Variants in ALDOB observed in about 807,000 individuals in gnomAD.
The protein encoded by ALDOB is fructose-bisphosphate aldolase B.
A neutral mutation model predicts 41.0 loss-of-function variants in ALDOB; 39 were observed. The observed-to-expected ratio is 0.95, with a 90% confidence interval of 0.74 to 1.24. The LOEUF is 1.24. ALDOB is among the 50% of genes most tolerant of loss of function. ALDOB has a pLI of 0.00. For missense variants in ALDOB, 530 were observed against 457.3 expected (o/e 1.16, Z -1.45); for synonymous variants, 175 against 168.8 (o/e 1.04, Z -0.28).
At chr9:101,423,649 CCCT>C (rs1416207317) in intron 8 of ALDOB, among the ~76,000 whole-genome samples, 1 of 152,142 alleles carries the variant, frequency 6.6e-6, no homozygotes, top group East Asian at 1.9e-4. Context: ...TCTGCCTCTT[CCCT>C]CCTTTTTGTC....
Position 101,429,755 on chromosome 9 carries a change from C to G in ALDOB, c.324G>C (p.Lys108Asn). 6 of 1,614,048 alleles carry G rather than the reference C, an allele frequency of 3.7e-6. No individual in the cohort carries two copies. The highest frequency in any genetic ancestry group is 5.1e-6 in the Non-Finnish European group (6 of 1,179,982). The part of the protein sequence containing the change: ...LKEKGIVVGI[K>N]LDQGGAPLAG... ...GTGAGGTGTGAATGGAGGTGTTCAC[C>G]TTGATTCCCACCACGATCCCCTTTT... The change falls in exon 3 of 9, where the codon AAG becomes AAC. Residue 108 changes from lysine (K) to asparagine (N), a missense_variant and splice_region_variant. By Grantham distance (94) the Lys-to-Asn change is moderately conservative. Transcript: ENST00000647789.
intron 1 of ALDOB, 88 bp from the exon 2 acceptor site, chr9:101,430,985 T>A: frequency 1.1e-6 from 1 of 885,718 alleles, no homozygotes; most frequent in Non-Finnish European, 1.9e-6. Context: ...GCAGACATGC[T>A]GTGCAGACCT....
intron 8 of ALDOB, 138 bp from the exon 9 acceptor site, chr9:101,422,042 G>A (rs2118333702): frequency 6.8e-6 from 5 of 739,384 alleles, no homozygotes; most frequent in South Asian, 5.9e-5. Context: ...GAATATTGCT[G>A]GGGATACCAT....
Position 101,426,636 on chromosome 9 carries a change from A to C in ALDOB, c.543T>G (p.Asn181Lys), listed in dbSNP as rs35885472. Residue 181 changes from asparagine (N) to lysine (K), a missense_variant and splice_region_variant, in exon 6 of 9, where the codon AAT becomes AAG. Physicochemically the swap from Asn to Lys is moderately conservative, Grantham distance 94 (BLOSUM62 0). Coordinates refer to ENST00000647789, the MANE Select transcript of ALDOB (RefSeq NM_000035.4). ...LARYASICQQ[N>K]GLVPIVEPEV... ...CTGGTTCAACAATAGGTACCAGTCCATTCTAAAAAGGAAAATCAAGGAAGC... is the reference window on the plus strand; with the variant it reads ...CTGGTTCAACAATAGGTACCAGTCCCTTCTAAAAAGGAAAATCAAGGAAGC... The C allele has an allele frequency of 4.5e-4, 716 of 1,606,698 alleles. 4 individuals carry two copies. The highest frequency in any genetic ancestry group is 9.7e-5 in the Non-Finnish European group (114 of 1,173,310).
intron 3 of ALDOB, among the ~76,000 whole-genome samples, chr9:101,429,421 A>G (rs188041018): frequency 6.6e-6 from 1 of 152,260 alleles, no homozygotes; most frequent in African/African-American, 2.4e-5. Context: ...TGCCTTCCAA[A>G]GTGCTGGGAT....
At chr9:101,434,040 G>C (rs764102206) in intron 1 of ALDOB, among the ~76,000 whole-genome samples, 3 of 152,048 alleles carry the variant, frequency 2.0e-5, no homozygotes, top group Non-Finnish European at 4.4e-5. Flanking sequence ...GCAAAGTGCT[G>C]GGATTACAGG....
intron 5 of ALDOB, 134 bp from the exon 6 acceptor site, chr9:101,426,772 C>T (rs1831136090): frequency 3.0e-6 from 2 of 669,462 alleles, no homozygotes; most frequent in Non-Finnish European, 5.4e-6. Flanking sequence ...GACTTAAAGA[C>T]AGTAGAATTT....
Position 101,425,471 on chromosome 9 carries a change from C to G in ALDOB, c.781G>C (p.Val261Leu). ...MATVTALHRT[V>L]PAAVPGICFL... ...GCCTTACCAGGAACAGCTGCAGGAACAGTACGGTGGAGAGCTGTTACGGTG... is the reference window on the plus strand; with the variant it reads ...GCCTTACCAGGAACAGCTGCAGGAAGAGTACGGTGGAGAGCTGTTACGGTG... The change falls in exon 7 of 9, where the codon GTT (valine) becomes CTT (leucine). Residue 261 changes from valine to leucine, a missense_variant. Coordinates refer to ENST00000647789, the MANE Select transcript of ALDOB (RefSeq NM_000035.4). 5.0e-6 allele frequency: 8 copies of G among 1,614,212 alleles called. No individual in the cohort carries two copies. The highest frequency in any genetic ancestry group is 5.9e-6 in the Non-Finnish European group (7 of 1,180,046).
chr9:101,424,010 T>C lies in ALDOB; in HGVS notation c.999+833A>G, dbSNP rs76891420. On this transcript the variant is annotated intron_variant, in intron 8 of 8. Transcript: ENST00000647789. ...TGAGTGGGCACCTTTCCTTTCCTCT[T>C]TATTGAAACTGTTTCAGTGAGGGTC... Among the ~76,000 whole-genome samples, 989 of 152,322 alleles carry C rather than the reference T, an allele frequency of 6.5e-3. 6 individuals carry two copies. Among genetic ancestry groups the C allele is most frequent in the African/African-American group, 0.022 (915 of 41,572 alleles).
intron 1 of ALDOB, among the ~76,000 whole-genome samples, chr9:101,434,634 A>G (rs1319330179): frequency 6.6e-6 from 1 of 152,228 alleles, no homozygotes; most frequent in Non-Finnish European, 1.5e-5. Context: ...CCAATGTCCC[A>G]GTGACAAGTG....
At chr9:101,422,021 G>T in intron 8 of ALDOB, 117 bp from the exon 9 acceptor site, 2 of 845,822 alleles carry the variant, frequency 2.4e-6, no homozygotes, top group Non-Finnish European at 4.0e-6. Flanking sequence ...TCTTTTTACA[G>T]CAATGTTGCT....
At chr9:101,425,122 G>C in intron 7 of ALDOB, 80 bp from the exon 8 acceptor site, 1 of 1,455,028 alleles carries the variant, frequency 6.9e-7, no homozygotes. Context: ...GAACCTACCA[G>C]AAAAGTAATG....
At chr9:101,430,934 T>C (rs1229051500) in intron 1 of ALDOB, 37 bp from the exon 2 acceptor site, 1 of 1,461,842 alleles carries the variant, frequency 6.8e-7, no homozygotes, top group South Asian at 1.1e-5. Context: ...CACAGAACCA[T>C]GGGTGGCTCA....
At position 101,430,845 on chromosome 9, in the gene ALDOB, CCTT is replaced by C. The variant is rs1831209143; in HGVS notation, c.40_42del (p.Lys14del). On this transcript the variant is annotated inframe_deletion, in exon 2 of 9. Transcript: ENST00000647789. ...ATGCTCTGGGCAATTTCTGAGAGCTCCTTCTTCTGCTCCTGGGTGAGGGCTGGA... is the reference window on the plus strand; with the variant it reads ...ATGCTCTGGGCAATTTCTGAGAGCTCCTTCTGCTCCTGGGTGAGGGCTGGA... 3.7e-6 allele frequency: 6 copies of C among 1,614,038 alleles called. No homozygotes were observed. The highest frequency in any genetic ancestry group is 3.3e-5 in the South Asian group (3 of 91,092).
intron 1 of ALDOB, among the ~76,000 whole-genome samples, chr9:101,431,749 G>C (rs1282069060): frequency 6.6e-6 from 1 of 152,156 alleles, no homozygotes; most frequent in East Asian, 1.9e-4. Flanking sequence ...GTGTTACAAA[G>C]AGTGCTTTTT....
rs754735910 is a variant in ALDOB at position 101,429,857 on chromosome 9, G to A, written c.222C>T (p.Ile74=). 3.1e-6 allele frequency: 5 copies of A among 1,613,980 alleles called. No individual in the cohort carries two copies. The highest frequency in any genetic ancestry group is 2.7e-5 in the African/African-American group (2 of 74,898). Residue 74 remains isoleucine, a synonymous_variant, in exon 3 of 9, where the codon ATC becomes ATT. Coordinates refer to ENST00000647789, the MANE Select transcript of ALDOB (RefSeq NM_000035.4). Reference sequence around the variant, plus strand: ...TCTCGTGGAAAAGGATCACACCCCCGATGCTCTGGTTGATGGAACTGTCCA... The same window carrying A: ...TCTCGTGGAAAAGGATCACACCCCCAATGCTCTGGTTGATGGAACTGTCCA... The part of the protein sequence containing the change: ...FSVDSSINQS[I]GGVILFHETL...
Position 101,421,796 on chromosome 9 carries a change from C to T in ALDOB, c.*13G>A, listed in dbSNP as rs753460608. The T allele has an allele frequency of 3.0e-5, 48 of 1,611,340 alleles. No individual in the cohort carries two copies. The Admixed American group carries it at 6.2e-4, about 21-fold the overall frequency. ...ACTAGAAGCACTGGAGCTAGGCTGG[C>T]GGGCATTGGACCCTAGTAGGTATAG... On this transcript the variant is annotated 3_prime_UTR_variant, in exon 9 of 9. Transcript: ENST00000647789.
rs369089220 is a variant in ALDOB, at chr9:101,422,360, A to T, written c.1000-456T>A. Among the ~76,000 whole-genome samples the T allele has an allele frequency of 4.3e-4, 66 of 152,352 alleles. No individual in the cohort carries two copies. The Middle Eastern group carries it at 0.01, about 24-fold the overall frequency. ...CATTCCAGTTAAAGATAAATTCAGA[A>T]TTATGAAACTTACGACAATATTTGA... On this transcript the variant is annotated intron_variant, in intron 8 of 8. Transcript: ENST00000647789.
intron 3 of ALDOB, among the ~76,000 whole-genome samples, chr9:101,429,496 A>G (rs1366213271): frequency 6.6e-6 from 1 of 152,166 alleles, no homozygotes; most frequent in African/African-American, 2.4e-5. Context: ...TAAGAACATC[A>G]TGAGGTAGAT....
Sources: allele counts gnomAD v4.1 joint callset (sites outside exome capture counted in the v4.1 genomes callset), GRCh38; gene constraint gnomAD v4.1.1; transcripts MANE v1.5; gene names NCBI Gene and HGNC (gene_info 2026-07-23, HGNC 2026-07-21).